MACROD2: variants seen among roughly 807,000 people sequenced by gnomAD.
The protein encoded by MACROD2 is mono-ADP ribosylhydrolase 2, also known as ADP-ribose glycohydrolase MACROD2.
In MACROD2, 36 loss-of-function variants were observed where a neutral mutation model predicts 70.4. The observed-to-expected ratio is 0.51, with a 90% CI of 0.39 to 0.68. The LOEUF (loss-of-function observed/expected upper bound fraction) is 0.68. Among genes scored for constraint, MACROD2 ranks in the 30% least tolerant of loss-of-function variants. MACROD2 has a pLI of 0.00. For missense variants in MACROD2, 496 were observed against 538.4 expected (o/e 0.92, Z 0.78); for synonymous variants, 172 against 178.8 (o/e 0.96, Z 0.30).
At chr20:14,191,422 A>G (rs1388878082) in intron 3 of MACROD2, among the ~76,000 whole-genome samples, 1 of 152,206 alleles carries the variant, frequency 6.6e-6, no homozygotes, top group Non-Finnish European at 1.5e-5. Context: ...TTTAATTTTA[A>G]ATGGTATATA....
At chr20:14,387,325 A>G (rs2083479561) in intron 3 of MACROD2, among the ~76,000 whole-genome samples, 1 of 152,134 alleles carries the variant, frequency 6.6e-6, no homozygotes. Context: ...TGTTAACTTG[A>G]TGAAAGCTGC....
chr20:14,338,915 G>A lies in MACROD2; in HGVS notation c.272-154564G>A, dbSNP rs144169479. Among the ~76,000 whole-genome samples the A allele has an allele frequency of 3.3e-3, 509 of 152,202 alleles. 10 individuals are homozygous for A. Among genetic ancestry groups the A allele is most frequent in the Admixed American group, 0.03 (457 of 15,288 alleles). ...TAAGTGTATTTCACTTGTTCATGTTGGTGGTAAGAACTTAGCTTTTATATT... is the reference window on the plus strand; with the variant it reads ...TAAGTGTATTTCACTTGTTCATGTTAGTGGTAAGAACTTAGCTTTTATATT... On this transcript the variant is annotated intron_variant, in intron 3 of 17. Coordinates refer to ENST00000684519, the MANE Select transcript of MACROD2 (RefSeq NM_001351661.2).
chr20:14,357,326 A>C (rs745918442), intron 3 of MACROD2, among the ~76,000 whole-genome samples: 2 of 152,210 alleles, frequency 1.3e-5, no homozygotes, highest in Non-Finnish European at 2.9e-5. Context: ...CTAAATGCAG[A>C]TTATGAGTGA....
intron 8 of MACROD2, among the ~76,000 whole-genome samples, chr20:15,695,858 T>G (rs1338049477): frequency 6.6e-6 from 1 of 152,198 alleles, no homozygotes; most frequent in African/African-American, 2.4e-5. Context: ...ACTGTTTGTG[T>G]GTAGAAGAGC....
chr20:15,933,506 G>A (rs1292026422), intron 11 of MACROD2, 168 bp downstream of exon 11: 1 of 558,462 alleles, frequency 1.8e-6, no homozygotes, highest in Non-Finnish European at 3.1e-6. Flanking sequence ...ACTATGAGTT[G>A]AGTGCTTTCA....
At position 14,377,303 on chromosome 20, in the gene MACROD2, C is replaced by T. The variant is rs140309943; in HGVS notation, c.272-116176C>T. Among the ~76,000 whole-genome samples, 8 of 152,284 alleles carry T rather than the reference C, an allele frequency of 5.3e-5. No homozygotes were observed. The East Asian group carries it at 1.5e-3, about 29-fold the overall frequency. ...AAATTTGAAACTGTTTGTGGGCATT[C>T]AATGCTTCATTTATCATTTTCTCAG... On this transcript the variant is annotated intron_variant, in intron 3 of 17. Transcript: ENST00000684519.
At position 14,084,596 on chromosome 20, in the gene MACROD2, C is replaced by T. The variant is rs557796738; in HGVS notation, c.164-1025C>T. The stretch of plus-strand genomic sequence containing the variant: ...ATTTTGTTCAAAATAAATGGAAACT[C>T]AAGTTTATAGTCTTGCTCTAAATCA... On this transcript the variant is annotated intron_variant, in intron 2 of 17. Coordinates refer to ENST00000684519, the MANE Select transcript of MACROD2 (RefSeq NM_001351661.2). Among the ~76,000 whole-genome samples the T allele has an allele frequency of 2.0e-5, 3 of 152,218 alleles. No homozygotes were observed. The East Asian group carries it at 5.8e-4, about 29-fold the overall frequency.
chr20:14,055,999 GTTGA>G (rs753886689), intron 2 of MACROD2, among the ~76,000 whole-genome samples: 36 of 152,132 alleles, frequency 2.4e-4, no homozygotes, highest in East Asian at 3.9e-4. Context: ...CGACATTTCT[GTTGA>G]TTGATTGATT....
intron 15 of MACROD2, among the ~76,000 whole-genome samples, chr20:16,003,130 T>C (rs1247720689): frequency 7.1e-6 from 1 of 140,170 alleles, no homozygotes; most frequent in Admixed American, 7.5e-5. Context: ...ACAAACAATC[T>C]CTACCCTCAA....
At chr20:14,438,822 G>A (rs904143881) in intron 3 of MACROD2, among the ~76,000 whole-genome samples, 1 of 152,132 alleles carries the variant, frequency 6.6e-6, no homozygotes, top group African/African-American at 2.4e-5. Context: ...CCCGTTATCT[G>A]TTGCAGGGTT....
At chr20:14,171,755 ATGT>A (rs1358088401) in intron 3 of MACROD2, among the ~76,000 whole-genome samples, 1 of 152,156 alleles carries the variant, frequency 6.6e-6, no homozygotes, top group Non-Finnish European at 1.5e-5. Context: ...GTGGGCTATC[ATGT>A]TGTCTATCTT....
intron 6 of MACROD2, among the ~76,000 whole-genome samples, chr20:15,283,798 C>A (rs1436690848): frequency 6.6e-6 from 1 of 152,176 alleles, no homozygotes; most frequent in African/African-American, 2.4e-5. Context: ...CCAGTGAGTT[C>A]TCTTCCAACA....
intron 2 of MACROD2, among the ~76,000 whole-genome samples, chr20:14,075,287 C>A (rs1477257106): frequency 6.6e-6 from 1 of 152,102 alleles, no homozygotes; most frequent in Non-Finnish European, 1.5e-5. Flanking sequence ...AAATTACAGC[C>A]ACTATGAATG....
intron 8 of MACROD2, among the ~76,000 whole-genome samples, chr20:15,738,049 G>A (rs2051050459): frequency 6.6e-6 from 1 of 152,086 alleles, no homozygotes; most frequent in Admixed American, 6.6e-5. Context: ...ACCAGAGGCT[G>A]GAAAGGGGAA....
chr20:14,909,284 G>A (rs766752561), intron 5 of MACROD2, among the ~76,000 whole-genome samples: 2 of 152,100 alleles, frequency 1.3e-5, no homozygotes, highest in Non-Finnish European at 2.9e-5. Context: ...CTAAGAGTGA[G>A]AGCCTTCCCA....
intron 5 of MACROD2, among the ~76,000 whole-genome samples, chr20:14,782,699 G>A (rs561064235): frequency 6.6e-6 from 1 of 152,170 alleles, no homozygotes; most frequent in African/African-American, 2.4e-5. Context: ...GGTGATGACC[G>A]CCTCTCTGCC....
At chr20:15,627,907 A>T (rs1217826269) in intron 8 of MACROD2, among the ~76,000 whole-genome samples, 1 of 152,196 alleles carries the variant, frequency 6.6e-6, no homozygotes, top group Non-Finnish European at 1.5e-5. Context: ...GAAAGGCAAG[A>T]TGGGGGGTTA....
chr20:14,489,633 C>T (rs2084771412), intron 3 of MACROD2, among the ~76,000 whole-genome samples: 1 of 152,008 alleles, frequency 6.6e-6, no homozygotes, highest in Non-Finnish European at 1.5e-5. Context: ...ACTAGGTGGT[C>T]AGGATTCTGT....
At chr20:15,118,953 A>G (rs1601098460) in intron 5 of MACROD2, among the ~76,000 whole-genome samples, 1 of 152,320 alleles carries the variant, frequency 6.6e-6, no homozygotes, top group East Asian at 1.9e-4. Context: ...GAGAGCATCC[A>G]CATTTTCATT....
Sources: gnomAD v4.1 joint callset for allele counts (sites outside exome capture counted in the v4.1 genomes callset) on GRCh38, gnomAD v4.1.1 for gene constraint, MANE v1.5 for transcripts, NCBI Gene and HGNC (gene_info 2026-07-23, HGNC 2026-07-21) for gene names.